NUP85: variants seen among roughly 807,000 people sequenced by gnomAD.
NUP85 encodes nucleoporin 85, also known as nuclear pore complex protein Nup85.
A neutral mutation model predicts 92.8 loss-of-function variants in NUP85; 23 were observed. That is an observed-to-expected ratio of 0.25 (90% CI 0.18 to 0.35). NUP85 has a LOEUF of 0.35. Among genes scored for constraint, NUP85 ranks in the 10% least tolerant of loss-of-function variants. The pLI, the probability that NUP85 is intolerant of heterozygous loss-of-function variation, is 1.00. For missense variants in NUP85, 759 were observed against 822.8 expected (o/e 0.92, Z 0.95); for synonymous variants, 314 against 306.9 (o/e 1.02, Z -0.24).
At chr17:75,233,385 TTC>T (rs780225530) in intron 16 of NUP85, among the ~76,000 whole-genome samples, 33 of 132,784 alleles carry the variant, frequency 2.5e-4, no homozygotes, top group African/African-American at 9.4e-4. Flanking sequence ...CTTTCTCTCT[TTC>T]TTTCTCTTTC....
chr17:75,214,135 C>T (rs183611094), intron 5 of NUP85, among the ~76,000 whole-genome samples: 378 of 152,276 alleles, frequency 2.5e-3, no homozygotes, highest in Middle Eastern at 0.014. Context: ...TGAGCCACTG[C>T]GCCCGGCTAA....
At chr17:75,218,645 G>A (rs904167181) in intron 7 of NUP85, among the ~76,000 whole-genome samples, 4 of 120,564 alleles carry the variant, frequency 3.3e-5, no homozygotes, top group Admixed American at 1.2e-4. Context: ...GCTCATGCCT[G>A]TAATTCCAGC....
At chr17:75,207,617 T>C (rs977475203) in intron 1 of NUP85, among the ~76,000 whole-genome samples, 3 of 151,702 alleles carry the variant, frequency 2.0e-5, no homozygotes, top group African/African-American at 7.3e-5. Context: ...GTAGCTGAGA[T>C]TACAGGTGCG....
intron 16 of NUP85, 119 bp downstream of exon 16, chr17:75,233,277 T>C (rs913489938): frequency 6.6e-6 from 5 of 753,998 alleles, no homozygotes; most frequent in Non-Finnish European, 1.1e-5. Context: ...GCATCAGTGG[T>C]CCCAGAAACA....
At chr17:75,212,097 T>A in intron 4 of NUP85, 35 bp downstream of exon 4, 1 of 1,404,488 alleles carries the variant, frequency 7.1e-7, no homozygotes, top group Non-Finnish European at 9.8e-7. Flanking sequence ...CGTGTGTGTG[T>A]GTGTGTGTGT....
intron 11 of NUP85, among the ~76,000 whole-genome samples, chr17:75,229,606 G>A (rs1019509438): frequency 1.3e-5 from 2 of 152,172 alleles, no homozygotes; most frequent in Admixed American, 1.3e-4. Context: ...GTGCGTGTGT[G>A]ATCTAAGACC....
In NUP85 at chr17:75,225,672, A is replaced by G. The variant is rs2075766292; in HGVS notation, c.856-26A>G. 8 of 1,613,530 alleles carry G rather than the reference A, an allele frequency of 5.0e-6. No individual in the cohort carries two copies. The East Asian group carries it at 1.8e-4, about 36-fold the overall frequency. On this transcript the variant is annotated intron_variant, in intron 9 of 18. Coordinates refer to ENST00000245544, the MANE Select transcript of NUP85 (RefSeq NM_024844.5). ...GAAGGTACCCCTGAGAGGAGGACAG[A>G]GTTCAGCACAAATGTCTCTCCTCAG...
At chr17:75,234,556 G>T in intron 16 of NUP85, 81 bp from the exon 17 acceptor site, 1 of 1,462,764 alleles carries the variant, frequency 6.8e-7, no homozygotes. Flanking sequence ...CTCCTGTTTA[G>T]GGCCAGGGTG....
Position 75,231,497 on chromosome 17 carries a change from G to A in NUP85, c.1178+74G>A. ...CGAGGGTGGTGTGAACTGAATGCCTGAAAGGGAGGTTGGGCTAAGGGGGCC... is the reference window on the plus strand; with the variant it reads ...CGAGGGTGGTGTGAACTGAATGCCTAAAAGGGAGGTTGGGCTAAGGGGGCC... On this transcript the variant is annotated intron_variant, in intron 12 of 18. Coordinates refer to ENST00000245544, the MANE Select transcript of NUP85 (RefSeq NM_024844.5). The surrounding 1 kb of genome is among the most constrained non-coding windows in gnomAD (Gnocchi z 4.6). 6.2e-7 allele frequency: 1 copy of A among 1,609,600 alleles called. No individual in the cohort carries two copies.
chr17:75,208,835 T>C (rs2075170387), intron 2 of NUP85, among the ~76,000 whole-genome samples: 1 of 152,078 alleles, frequency 6.6e-6, no homozygotes, highest in African/African-American at 2.4e-5. Flanking sequence ...CTCTACCTCT[T>C]GGGCTCAAGT....
At position 75,212,082 on chromosome 17, in the gene NUP85, G is replaced by GCA. The variant is rs113289661; in HGVS notation, c.361+21_361+22insAC. 40 of 918,082 alleles carry GCA rather than the reference G, an allele frequency of 4.4e-5. No individual in the cohort carries two copies. The highest frequency in any genetic ancestry group is 2.0e-5 in the African/African-American group (1 of 50,116). 56.9% of individuals were successfully genotyped at this position (918,082 alleles called of 1,614,324 possible). On this transcript the variant is annotated intron_variant, in intron 4 of 18. Transcript: ENST00000245544. ...TTGCAAGTAAGGACTGTGTGCGCGT[G>GCA]CGCGCGTGTGTGTGTGTGTGTGTGT...
chr17:75,226,735 T>C (rs545084055), intron 11 of NUP85: 87 of 450,792 alleles, frequency 1.9e-4, no homozygotes, highest in Non-Finnish European at 2.7e-5. Flanking sequence ...CATAACTGTT[T>C]CCATTTCAGG....
chr17:75,235,309 G>C (rs1451037318), intron 18 of NUP85, 108 bp downstream of exon 18: 2 of 749,272 alleles, frequency 2.7e-6, no homozygotes, highest in Non-Finnish European at 4.4e-6. Flanking sequence ...GGACACATGT[G>C]CCTCTGTTCC....
In NUP85 at chr17:75,225,704, C is replaced by A; in HGVS notation, c.862C>A (p.Leu288Met). 1 of 1,614,086 alleles carries A rather than the reference C, an allele frequency of 6.2e-7. No homozygotes were observed. Among genetic ancestry groups the A allele is most frequent in the Non-Finnish European group, 8.5e-7 (1 of 1,179,974 alleles). Residue 288 changes from leucine (L) to methionine (M), a missense_variant, in exon 10 of 19, where the codon CTG becomes ATG. Leu to Met is a conservative substitution (Grantham distance 15, BLOSUM62 2). Transcript: ENST00000245544. ...CACAAATGTCTCTCCTCAGATTATG[C>A]TGGGAGACGAAGCTGCCTTGTTAGA... is the stretch of plus-strand genomic sequence containing the variant. Reference protein sequence around the residue: ...PHLESLLKIMLGDEAALLEQK... With the variant: ...PHLESLLKIMMGDEAALLEQK...
In NUP85 at chr17:75,233,120, G is replaced by C. The variant is rs1200986015; in HGVS notation, c.1577G>C (p.Gly526Ala). The change falls in exon 16 of 19, where the codon GGG becomes GCG. Residue 526 changes from glycine (G) to alanine (A), a missense_variant. Coordinates refer to ENST00000245544, the MANE Select transcript of NUP85 (RefSeq NM_024844.5). Reference sequence around the variant, plus strand: ...GATTTGGATCTCATTGACAACCTGGGGCCAGCCATGATGCTCAGTGACCGA... The same window carrying C: ...GATTTGGATCTCATTGACAACCTGGCGCCAGCCATGATGCTCAGTGACCGA... Reference protein sequence around the residue: ...FSDLDLIDNLGPAMMLSDRLT... With the variant: ...FSDLDLIDNLAPAMMLSDRLT... 1.2e-6 allele frequency: 2 copies of C among 1,614,088 alleles called. No individual in the cohort carries two copies. Among genetic ancestry groups the C allele is most frequent in the Non-Finnish European group, 1.7e-6 (2 of 1,180,034 alleles).
At chr17:75,213,602 C>T (rs539017139) in intron 5 of NUP85, among the ~76,000 whole-genome samples, 15 of 151,992 alleles carry the variant, frequency 9.9e-5, no homozygotes, top group South Asian at 4.2e-4. Context: ...CTGAATGTTC[C>T]GTTCTTATGG....
intron 7 of NUP85, among the ~76,000 whole-genome samples, chr17:75,220,618 TTCTC>T (rs1308915517): frequency 4.7e-5 from 7 of 147,960 alleles, no homozygotes; most frequent in African/African-American, 1.7e-4. Flanking sequence ...GATGGCGTCT[TTCTC>T]TGTTGCCCAG....
At chr17:75,234,836 A>G (rs754730231) in intron 17 of NUP85, 48 bp downstream of exon 17, 1 of 1,607,332 alleles carries the variant, frequency 6.2e-7, no homozygotes, top group Non-Finnish European at 8.5e-7. Context: ...AGTCCCTGCT[A>G]GAGCTTAGTT....
chr17:75,212,996 C>A, intron 4 of NUP85, 80 bp from the exon 5 acceptor site: 1 of 1,302,370 alleles, frequency 7.7e-7, no homozygotes, highest in Non-Finnish European at 1.1e-6. Context: ...GAGGCTCAAG[C>A]CATAGACCCT....
Sources: gnomAD v4.1 joint callset for allele counts (sites outside exome capture counted in the v4.1 genomes callset) on GRCh38, gnomAD v4.1.1 for gene constraint, Gnocchi (gnomAD v3.1) non-coding constraint, MANE v1.5 for transcripts, NCBI Gene and HGNC (gene_info 2026-07-23, HGNC 2026-07-21) for gene names.